Variants in SLCO6A1 observed in about 807,000 individuals in gnomAD.
The protein encoded by SLCO6A1 is solute carrier organic anion transporter family member 6A1.
SLCO6A1 carries 65 observed loss-of-function variants against 72.7 expected under a neutral mutation model. The ratio of observed to expected loss-of-function variants is 0.89; its 90% confidence interval spans 0.73 to 1.10. The LOEUF (loss-of-function observed/expected upper bound fraction) is 1.10, where lower values mean the gene tolerates loss of function less well. Among genes scored for constraint, SLCO6A1 ranks in the 50% least tolerant of loss-of-function variants. SLCO6A1 has a pLI of 0.00. For synonymous variants in SLCO6A1, 314 were observed against 298.2 expected (o/e 1.05, Z -0.55); for missense variants, 874 against 872.6 (o/e 1.00, Z -0.02).
At chr5:102,450,877 G>C (rs1175188393) in intron 6 of SLCO6A1, among the ~76,000 whole-genome samples, 2 of 152,332 alleles carry the variant, frequency 1.3e-5, no homozygotes, top group East Asian at 1.9e-4. Context: ...CTGGAGGTGT[G>C]AGTACAGCAC....
intron 9 of SLCO6A1, among the ~76,000 whole-genome samples, chr5:102,410,713 C>G (rs888706339): frequency 1.3e-5 from 2 of 152,132 alleles, no homozygotes; most frequent in African/African-American, 4.8e-5. Flanking sequence ...AATGGCCCCA[C>G]AGATGAGCAC....
chr5:102,418,391 A>G (rs765390680), intron 8 of SLCO6A1, among the ~76,000 whole-genome samples: 1 of 152,170 alleles, frequency 6.6e-6, no homozygotes, highest in Non-Finnish European at 1.5e-5. Context: ...AATTTGAAAA[A>G]TTTTGGCCAT....
At chr5:102,385,551 A>G (rs1746364695) in intron 12 of SLCO6A1, among the ~76,000 whole-genome samples, 1 of 151,974 alleles carries the variant, frequency 6.6e-6, no homozygotes, top group Non-Finnish European at 1.5e-5. Flanking sequence ...CCTGCCTTCA[A>G]GCTCACTGAT....
At chr5:102,444,502 TGCTAA>T (rs1395521672) in intron 6 of SLCO6A1, among the ~76,000 whole-genome samples, 3 of 152,228 alleles carry the variant, frequency 2.0e-5, no homozygotes, top group Non-Finnish European at 2.9e-5. Context: ...TGATTCTTTA[TGCTAA>T]ATAGCCATAA....
chr5:102,477,270 C>T (rs1293895619), intron 3 of SLCO6A1, among the ~76,000 whole-genome samples: 2 of 151,882 alleles, frequency 1.3e-5, no homozygotes, highest in African/African-American at 2.4e-5. Flanking sequence ...TACAGGTGCT[C>T]GCCACCATGC....
At position 102,477,695 on chromosome 5, in the gene SLCO6A1, G is replaced by A. The variant is rs928517472; in HGVS notation, c.783C>T (p.His261=). 3.1e-6 allele frequency: 5 copies of A among 1,612,740 alleles called. No individual in the cohort carries two copies. The Admixed American group carries it at 6.7e-5, about 22-fold the overall frequency. The change falls in exon 3 of 14, where the codon CAC becomes CAT. Residue 261 remains histidine (H), a synonymous_variant. Transcript: ENST00000506729. The part of the protein sequence containing the change: ...ITFIDENVAT[H]SAGIYLGIAE... ...ACTTGCCTAAATAGATACCAGCTGA[G>A]TGTGTAGCAACATTCTCATCAATAA...
intron 11 of SLCO6A1, 110 bp downstream of exon 11, chr5:102,390,871 T>C: frequency 1.1e-6 from 1 of 895,728 alleles, no homozygotes; most frequent in Non-Finnish European, 1.7e-6. Flanking sequence ...CCCCTTTCAC[T>C]CGCTTTGTGT....
chr5:102,448,907 C>T (rs1029149235), intron 6 of SLCO6A1, among the ~76,000 whole-genome samples: 3 of 152,056 alleles, frequency 2.0e-5, no homozygotes, highest in Non-Finnish European at 2.9e-5. Flanking sequence ...TTGATCCTAT[C>T]ATTGTGTGGT....
At chr5:102,378,941 T>G (rs933664573) in intron 12 of SLCO6A1, among the ~76,000 whole-genome samples, 1 of 151,936 alleles carries the variant, frequency 6.6e-6, no homozygotes, top group Non-Finnish European at 1.5e-5. Flanking sequence ...CCACTACGCC[T>G]AGCTAATTTT....
At chr5:102,423,439 C>G (rs900409500) in intron 7 of SLCO6A1, among the ~76,000 whole-genome samples, 8 of 151,646 alleles carry the variant, frequency 5.3e-5, no homozygotes, top group African/African-American at 1.9e-4. Flanking sequence ...ATTTACCAAG[C>G]AAATGGAAAG....
intron 1 of SLCO6A1, among the ~76,000 whole-genome samples, chr5:102,484,909 G>A (rs1467288259): frequency 6.6e-6 from 1 of 152,070 alleles, no homozygotes; most frequent in Non-Finnish European, 1.5e-5. Context: ...TATTAAAGTT[G>A]CTTTTTACAG....
intron 1 of SLCO6A1, among the ~76,000 whole-genome samples, chr5:102,496,127 C>A (rs1752899658): frequency 6.6e-6 from 1 of 152,164 alleles, no homozygotes; most frequent in Non-Finnish European, 1.5e-5. Context: ...AAGAGAGTGT[C>A]TCACTTTGGG....
At chr5:102,379,401 T>A (rs1312318354) in intron 12 of SLCO6A1, among the ~76,000 whole-genome samples, 1 of 152,180 alleles carries the variant, frequency 6.6e-6, no homozygotes, top group African/African-American at 2.4e-5. Context: ...TATGGTTTTA[T>A]CTTTCATATT....
chr5:102,402,416 G>A (rs772483381), intron 9 of SLCO6A1, among the ~76,000 whole-genome samples: 12 of 152,154 alleles, frequency 7.9e-5, no homozygotes, highest in Non-Finnish European at 1.8e-4. Flanking sequence ...GCCTGCTCAA[G>A]TAAGTTTCAA....
chr5:102,383,095 A>ATATATATATATATATATATATATATATAT (rs1554064835), intron 12 of SLCO6A1, among the ~76,000 whole-genome samples: 170 of 128,510 alleles, frequency 1.3e-3, no homozygotes, highest in African/African-American at 4.3e-3. Context: ...TATGTGTGTG[A>ATATATATATATATATATATATATATATAT]ATATATATAT....
intron 4 of SLCO6A1, among the ~76,000 whole-genome samples, chr5:102,463,328 TA>T (rs1751140212): frequency 6.6e-6 from 1 of 152,220 alleles, no homozygotes; most frequent in African/African-American, 2.4e-5. Context: ...GGTGGAAATG[TA>T]AACTAGTACG....
chr5:102,377,633 A>T (rs1421788838), intron 12 of SLCO6A1, among the ~76,000 whole-genome samples: 2 of 143,698 alleles, frequency 1.4e-5, no homozygotes, highest in African/African-American at 2.8e-5. Flanking sequence ...GTATTGTTTG[A>T]TATATATATA....
intron 4 of SLCO6A1, among the ~76,000 whole-genome samples, chr5:102,474,939 T>C (rs1227925078): frequency 2.0e-5 from 3 of 151,772 alleles, no homozygotes; most frequent in African/African-American, 7.3e-5. Context: ...CAAAACAGTA[T>C]TGGTGAGGAT....
Position 102,438,672 on chromosome 5 carries a change from A to G in SLCO6A1, c.1221T>C (p.Pro407=). 6.3e-7 allele frequency: 1 copy of G among 1,599,994 alleles called. No homozygotes were observed. The highest frequency in any genetic ancestry group is 8.5e-7 in the Non-Finnish European group (1 of 1,174,600). ...ATATAAACTGATTTTCTAAATATATAGGCAAAAATTCAGAAGCTCCAATAA... is the reference window on the plus strand; with the variant it reads ...ATATAAACTGATTTTCTAAATATATGGGCAAAAATTCAGAAGCTCCAATAA... ...LVIIGASEFL[P]IYLENQFILT... The change falls in exon 7 of 14, where the codon CCT becomes CCC. Residue 407 remains proline (P), a synonymous_variant. Coordinates refer to ENST00000506729, the MANE Select transcript of SLCO6A1 (RefSeq NM_173488.5).
Sources: allele counts gnomAD v4.1 joint callset (sites outside exome capture counted in the v4.1 genomes callset), GRCh38; gene constraint gnomAD v4.1.1; transcripts MANE v1.5; gene names NCBI Gene and HGNC (gene_info 2026-07-23, HGNC 2026-07-21).